TUBGCP3: variants seen among roughly 807,000 people sequenced by gnomAD.
TUBGCP3 encodes tubulin gamma complex component 3, also known as gamma-tubulin complex component 3.
A neutral mutation model predicts 123.1 loss-of-function variants in TUBGCP3; 50 were observed. The ratio of observed to expected loss-of-function variants is 0.41; its 90% confidence interval spans 0.32 to 0.51. The LOEUF (loss-of-function observed/expected upper bound fraction) is 0.51. Among genes scored for constraint, TUBGCP3 ranks in the 20% least tolerant of loss-of-function variants. The pLI, the probability that TUBGCP3 is intolerant of heterozygous loss-of-function variation, is 0.36. For synonymous variants in TUBGCP3, 405 were observed against 413.9 expected, an observed-to-expected ratio of 0.98 and a Z score of 0.26; for missense variants, 882 against 1,127.0, an observed-to-expected ratio of 0.78 and a Z score of 3.11.
At chr13:112,526,910 C>A (rs1445867032) in intron 13 of TUBGCP3, 32 bp downstream of exon 13, 1 of 1,477,386 alleles carries the variant, frequency 6.8e-7, no homozygotes, top group Non-Finnish European at 9.5e-7. Flanking sequence ...CACACCATTG[C>A]CATCATCACC....
chr13:112,588,526 G>T (rs1882791635), upstream of TUBGCP3, among the ~76,000 whole-genome samples: 1 of 152,126 alleles, frequency 6.6e-6, no homozygotes, highest in Non-Finnish European at 1.5e-5. Flanking sequence ...GATTGTTAAC[G>T]TGCAGTGGGC....
chr13:112,548,150 T>C lies in TUBGCP3; in HGVS notation c.993A>G (p.Glu331=). ...GQSFCAALHQ[E]LREYYRLLSV... is the part of the protein sequence containing the mutation. ...AGAGCAATCGATAGTATTCTCTGAG[T>C]TCCTGGTGCAAGGCAGCACAAAAGC... is the stretch of plus-strand genomic sequence containing the variant. The change falls in exon 9 of 22, where the codon GAA becomes GAG. Residue 331 remains glutamate (E), a synonymous_variant. Coordinates refer to ENST00000261965, the MANE Select transcript of TUBGCP3 (RefSeq NM_006322.6). 6.2e-7 allele frequency: 1 copy of C among 1,605,546 alleles called. No individual in the cohort carries two copies. Among genetic ancestry groups the C allele is most frequent in the Non-Finnish European group, 8.5e-7 (1 of 1,175,022 alleles).
intron 21 of TUBGCP3, among the ~76,000 whole-genome samples, chr13:112,486,639 C>T (rs1028139060): frequency 3.9e-5 from 6 of 152,238 alleles, no homozygotes; most frequent in Admixed American, 3.3e-4. Flanking sequence ...AGGCTGCAGC[C>T]GCCCTCTTCA....
rs1419740678 is a variant in TUBGCP3, at chr13:112,583,548, G to A, written c.76+4357C>T. 2.6e-5 allele frequency among the ~76,000 whole-genome samples: 4 copies of A among 152,258 alleles called. No homozygotes were observed. In the East Asian group the frequency reaches 7.7e-4, roughly 29 times the overall value. ...GGCCCAAGAGCTTTTAAACAAAAAA[G>A]TTGCCCTTTGTATCCCCAAAAGATT... On this transcript the variant is annotated intron_variant, in intron 1 of 21. Transcript: ENST00000261965.
chr13:112,508,166 C>A lies in TUBGCP3; in HGVS notation c.2087-3452G>T, dbSNP rs768756216. On this transcript the variant is annotated intron_variant, in intron 17 of 21. Coordinates refer to ENST00000261965, the MANE Select transcript of TUBGCP3 (RefSeq NM_006322.6). The surrounding 1 kb of genome is among the most constrained non-coding windows in gnomAD (Gnocchi z 4.2). ...CTTCGCTGTCATGGCTTTGGCTCTG[C>A]CTGTATCCCTCGTGCCCCCTAGTCA... 3.9e-5 allele frequency among the ~76,000 whole-genome samples: 6 copies of A among 152,134 alleles called. No individual in the cohort carries two copies. Among genetic ancestry groups the A allele is most frequent in the Non-Finnish European group, 5.9e-5 (4 of 68,024 alleles).
chr13:112,566,208 C>CA (rs1436254809), intron 2 of TUBGCP3, among the ~76,000 whole-genome samples: 3 of 152,226 alleles, frequency 2.0e-5, no homozygotes, highest in Admixed American at 2.0e-4. Flanking sequence ...ACTTTGCTCA[C>CA]ATTTACAACA....
chr13:112,495,371 C>T (rs1880466939), intron 20 of TUBGCP3, among the ~76,000 whole-genome samples: 1 of 152,182 alleles, frequency 6.6e-6, no homozygotes, highest in African/African-American at 2.4e-5. Context: ...AGTGCAGGAG[C>T]GTGTATGTCT....
chr13:112,543,718 A>T (rs1411735657), intron 11 of TUBGCP3, among the ~76,000 whole-genome samples: 2 of 152,224 alleles, frequency 1.3e-5, no homozygotes, highest in African/African-American at 4.8e-5. Flanking sequence ...TCAACAGTAC[A>T]ATGATTCTTC....
At chr13:112,592,956 C>T (rs574176429), upstream of TUBGCP3, among the ~76,000 whole-genome samples, 1 of 152,314 alleles carries the variant, frequency 6.6e-6, no homozygotes, top group Non-Finnish European at 1.5e-5. This position sits in a 1 kb window ranked among gnomAD's most constrained non-coding sequence, Gnocchi z 4.1. Flanking sequence ...TTCAATAAAA[C>T]TAGTTTCGAA....
At chr13:112,589,292 C>T (rs903984882), upstream of TUBGCP3, among the ~76,000 whole-genome samples, 1 of 152,244 alleles carries the variant, frequency 6.6e-6, no homozygotes, top group Non-Finnish European at 1.5e-5. Flanking sequence ...TCAGCTGAAA[C>T]GCTGCATGAC....
chr13:112,496,985 C>CAAAA (rs60584662), intron 20 of TUBGCP3, among the ~76,000 whole-genome samples: 1 of 101,718 alleles, frequency 9.8e-6, no homozygotes, highest in Non-Finnish European at 2.1e-5. Context: ...GACTCCCTCT[C>CAAAA]AAAAAAAAAA....
chr13:112,510,026 A>G lies in TUBGCP3; in HGVS notation c.2087-5312T>C, dbSNP rs866409220. Among the ~76,000 whole-genome samples the G allele has an allele frequency of 2.9e-4, 44 of 152,312 alleles. No individual in the cohort carries two copies. In the Middle Eastern group the frequency reaches 0.02, roughly 71 times the overall value. On this transcript the variant is annotated intron_variant, in intron 17 of 21. Transcript: ENST00000261965. ...ACTATATAATTATAAGAATCCCAAA[A>G]GCAAAGCAACATTGGCAATAAGGTC...
At chr13:112,560,532 G>A (rs1024651977) in intron 3 of TUBGCP3, among the ~76,000 whole-genome samples, 1 of 152,028 alleles carries the variant, frequency 6.6e-6, no homozygotes, top group Non-Finnish European at 1.5e-5. Flanking sequence ...ATTTCCAATT[G>A]TGTATCACAC....
chr13:112,556,719 G>T (rs1880078881), intron 5 of TUBGCP3, among the ~76,000 whole-genome samples: 1 of 152,142 alleles, frequency 6.6e-6, no homozygotes, highest in Admixed American at 6.5e-5. Flanking sequence ...ACTATGAAAA[G>T]AAACTGCAAT....
intron 5 of TUBGCP3, among the ~76,000 whole-genome samples, chr13:112,557,323 C>A (rs1449004464): frequency 6.6e-6 from 1 of 152,156 alleles, no homozygotes; most frequent in Non-Finnish European, 1.5e-5. Flanking sequence ...GAACACTAGA[C>A]CCCATTGGTA....
intron 3 of TUBGCP3, among the ~76,000 whole-genome samples, chr13:112,563,735 C>A (rs186949450): frequency 0.052 from 7,691 of 149,216 alleles, 342 homozygotes; most frequent in African/African-American, 0.12. Context: ...ATTAGCCGGG[C>A]GTGTTGGCGG....
chr13:112,549,604 T>C (rs1455499420), intron 8 of TUBGCP3, among the ~76,000 whole-genome samples: 1 of 152,198 alleles, frequency 6.6e-6, no homozygotes, highest in Non-Finnish European at 1.5e-5. Context: ...GGCAGCTCAA[T>C]GCCAATCCTC....
chr13:112,520,893 G>A (rs1440797870), intron 14 of TUBGCP3, among the ~76,000 whole-genome samples: 1 of 152,230 alleles, frequency 6.6e-6, no homozygotes, highest in Non-Finnish European at 1.5e-5. Context: ...ACACAGGGCA[G>A]AGACAAGGTG....
chr13:112,508,158 T>C lies in TUBGCP3; in HGVS notation c.2087-3444A>G, dbSNP rs117601163. 0.024 allele frequency among the ~76,000 whole-genome samples: 3,652 copies of C among 152,252 alleles called. 58 individuals carry two copies. Among genetic ancestry groups the C allele is most frequent in the Non-Finnish European group, 0.038 (2,585 of 68,012 alleles). On this transcript the variant is annotated intron_variant, in intron 17 of 21. Transcript: ENST00000261965. This position sits in a 1 kb window ranked among gnomAD's most constrained non-coding sequence, Gnocchi z 4.2. ...TTGCATTGCTTCGCTGTCATGGCTT[T>C]GGCTCTGCCTGTATCCCTCGTGCCC...
Sources: allele counts gnomAD v4.1 joint callset (sites outside exome capture counted in the v4.1 genomes callset), GRCh38; gene constraint gnomAD v4.1.1; non-coding constraint Gnocchi (gnomAD v3.1); transcripts MANE v1.5; gene names NCBI Gene and HGNC (gene_info 2026-07-23, HGNC 2026-07-21).